Variants in DAB1 observed in about 807,000 individuals in gnomAD.
The protein encoded by DAB1 is disabled homolog 1.
A neutral mutation model predicts 64.6 loss-of-function variants in DAB1; 15 were observed. The ratio of observed to expected loss-of-function variants is 0.23; its 90% confidence interval spans 0.16 to 0.36. The LOEUF (loss-of-function observed/expected upper bound fraction) is 0.36, where lower values mean the gene tolerates loss of function less well. Ranked by LOEUF, DAB1 falls within the 10% of genes least tolerant of loss-of-function variation. DAB1 has a pLI of 1.00. For missense variants in DAB1, 596 were observed against 706.7 expected, an observed-to-expected ratio of 0.84 and a Z score of 1.78; for synonymous variants, 235 against 251.9, an observed-to-expected ratio of 0.93 and a Z score of 0.64.
intron 7 of DAB1, among the ~76,000 whole-genome samples, chr1:57,616,613 T>C (rs1335815093): frequency 6.6e-6 from 1 of 152,172 alleles, no homozygotes. Flanking sequence ...TTATAGATAA[T>C]CTATGGTTTC....
chr1:57,647,821 A>C (rs888984232), intron 7 of DAB1, among the ~76,000 whole-genome samples: 1 of 152,192 alleles, frequency 6.6e-6, no homozygotes, highest in Non-Finnish European at 1.5e-5. Flanking sequence ...GGTGACTTGG[A>C]TAGGGCCTCA....
At chr1:57,118,500 C>T (rs944789803) in intron 4 of DAB1, among the ~76,000 whole-genome samples, 10 of 152,228 alleles carry the variant, frequency 6.6e-5, no homozygotes, top group East Asian at 1.9e-4. Context: ...GGGATGTATA[C>T]GTAGCTCCTG....
intron 5 of DAB1, among the ~76,000 whole-genome samples, chr1:58,052,815 T>G (rs968271880): frequency 6.6e-6 from 1 of 152,222 alleles, no homozygotes. Flanking sequence ...CAATTGTGAA[T>G]GGGAGTTCAC....
chr1:57,225,839 T>C (rs181554750), intron 2 of DAB1, among the ~76,000 whole-genome samples: 2 of 152,212 alleles, frequency 1.3e-5, no homozygotes, highest in African/African-American at 4.8e-5. Flanking sequence ...TATAAAATGG[T>C]TTTTCAGAAG....
At chr1:58,429,346 G>C (rs1202506305) in intron 3 of DAB1, among the ~76,000 whole-genome samples, 1 of 152,196 alleles carries the variant, frequency 6.6e-6, no homozygotes, top group African/African-American at 2.4e-5. Flanking sequence ...AGCAGGCGGG[G>C]ACAGAAAAGA....
chr1:57,783,111 T>TTC (rs1170745253), intron 6 of DAB1, among the ~76,000 whole-genome samples: 1 of 143,108 alleles, frequency 7.0e-6, no homozygotes, highest in Admixed American at 7.0e-5. Flanking sequence ...CTTTTCTTTT[T>TTC]TTTTTTTTTT....
At chr1:58,144,897 A>G (rs1427569855) in intron 5 of DAB1, among the ~76,000 whole-genome samples, 1 of 152,202 alleles carries the variant, frequency 6.6e-6, no homozygotes, top group Non-Finnish European at 1.5e-5. Flanking sequence ...AGGCAGACAG[A>G]ACTCCTTGTA....
At chr1:57,028,167 C>T (rs532148482) in intron 9 of DAB1, among the ~76,000 whole-genome samples, 158 of 152,168 alleles carry the variant, frequency 1.0e-3, no homozygotes, top group African/African-American at 3.6e-3. Flanking sequence ...GAGGGACACA[C>T]GGGGAGGTAA....
chr1:57,140,134 G>A (rs2100806962), intron 3 of DAB1, among the ~76,000 whole-genome samples: 1 of 152,234 alleles, frequency 6.6e-6, no homozygotes, highest in South Asian at 2.1e-4. Context: ...AGACAGCTCT[G>A]GTTAGGGAGT....
At chr1:57,509,649 C>T (rs1317003626) in intron 7 of DAB1, among the ~76,000 whole-genome samples, 1 of 152,020 alleles carries the variant, frequency 6.6e-6, no homozygotes, top group Non-Finnish European at 1.5e-5. Flanking sequence ...TCTATAAAAC[C>T]ATCCTCAACT....
intron 5 of DAB1, among the ~76,000 whole-genome samples, chr1:57,971,110 T>G (rs1645785558): frequency 6.6e-6 from 1 of 152,142 alleles, no homozygotes; most frequent in Non-Finnish European, 1.5e-5. Flanking sequence ...CAAGGAGGCA[T>G]TCTGAGAGGT....
intron 3 of DAB1, among the ~76,000 whole-genome samples, chr1:57,143,798 GCTTTAATA>G (rs1320668963): frequency 6.6e-6 from 1 of 151,042 alleles, no homozygotes; most frequent in East Asian, 1.9e-4. Context: ...CATTTTACAG[GCTTTAATA>G]CTTTTACACA....
intron 4 of DAB1, among the ~76,000 whole-genome samples, chr1:58,300,583 A>G (rs924496831): frequency 4.5e-5 from 1 of 22,108 alleles, no homozygotes; most frequent in Non-Finnish European, 1.0e-4. Context: ...AAAGAAAGAA[A>G]GAAAGAAAGA....
chr1:58,242,812 T>C (rs1397765557), intron 4 of DAB1, among the ~76,000 whole-genome samples: 1 of 151,922 alleles, frequency 6.6e-6, no homozygotes, highest in Non-Finnish European at 1.5e-5. Context: ...CAGGAAAAAC[T>C]GTATAAGTGA....
At chr1:57,360,516 A>G (rs776964833) in intron 1 of DAB1, among the ~76,000 whole-genome samples, 10 of 152,214 alleles carry the variant, frequency 6.6e-5, no homozygotes, top group Non-Finnish European at 1.5e-4. Context: ...CGCCAAAAGG[A>G]GTTTGTGTGT....
rs974760074 is a variant in DAB1 at position 57,518,491 on chromosome 1, T to C, written n.625+131101A>G. 1.4e-4 allele frequency among the ~76,000 whole-genome samples: 21 copies of C among 152,312 alleles called. 1 individual carries two copies. The highest frequency in any genetic ancestry group is 4.8e-4 in the African/African-American group (20 of 41,574). Reference sequence around the variant, plus strand: ...CATATTTCAGATACTCTTTCCCACATTATTCCGTGTTTTAAAAACAGAGCT... The same window carrying C: ...CATATTTCAGATACTCTTTCCCACACTATTCCGTGTTTTAAAAACAGAGCT... On this transcript the variant is annotated intron_variant and non_coding_transcript_variant, in intron 7 of 20. Transcript: ENST00000485760.
chr1:57,060,254 G>C (rs1233420554), intron 9 of DAB1, among the ~76,000 whole-genome samples: 1 of 151,748 alleles, frequency 6.6e-6, no homozygotes. Context: ...GGGTTCAAGC[G>C]ATTTTCCTGC....
chr1:57,685,703 C>A (rs3131760), intron 6 of DAB1, among the ~76,000 whole-genome samples: 111,866 of 152,050 alleles, frequency 0.74, 42,065 homozygotes, highest in East Asian at 0.93. Context: ...AAATAATACC[C>A]AGCACACACT....
intron 5 of DAB1, among the ~76,000 whole-genome samples, chr1:58,002,435 A>T (rs1646520297): frequency 6.6e-6 from 1 of 152,190 alleles, no homozygotes; most frequent in Non-Finnish European, 1.5e-5. Context: ...ATCTGCCCAT[A>T]TTCTTCCACT....
Sources: gnomAD v4.1 joint callset for allele counts (sites outside exome capture counted in the v4.1 genomes callset) on GRCh38, gnomAD v4.1.1 for gene constraint, MANE v1.5 for transcripts, NCBI Gene and HGNC (gene_info 2026-07-23, HGNC 2026-07-21) for gene names.